PPP6R1: variants seen among roughly 807,000 people sequenced by gnomAD.
PPP6R1 encodes serine/threonine-protein phosphatase 6 regulatory subunit 1.
Under a neutral mutation model 104.6 loss-of-function variants are expected in PPP6R1, and 39 were observed. That is an observed-to-expected ratio of 0.37 (90% confidence interval 0.29 to 0.49). The LOEUF (loss-of-function observed/expected upper bound fraction) is 0.49. PPP6R1 is among the 20% of genes least tolerant of loss of function. The pLI, the probability that PPP6R1 is intolerant of heterozygous loss-of-function variation, is 0.98. For synonymous variants in PPP6R1, 549 were observed against 479.0 expected, an observed-to-expected ratio of 1.15 and a Z score of -1.91; for missense variants, 1,181 against 1,155.8, an observed-to-expected ratio of 1.02 and a Z score of -0.32.
chr19:55,251,022 A>C (rs923884337), intron 1 of PPP6R1, among the ~76,000 whole-genome samples: 1 of 152,170 alleles, frequency 6.6e-6, no homozygotes, highest in African/African-American at 2.4e-5. Flanking sequence ...GGTCTACCCC[A>C]GCGACTTTGT....
At chr19:55,234,459 C>G (rs369380258) in intron 17 of PPP6R1, among the ~76,000 whole-genome samples, 1 of 152,126 alleles carries the variant, frequency 6.6e-6, no homozygotes, top group South Asian at 2.1e-4. Flanking sequence ...AACTGGTTAT[C>G]TATATGTAAA....
rs1033204232 is a variant in PPP6R1, at chr19:55,231,049, C to A, written c.2460-165G>T. On this transcript the variant is annotated intron_variant, in intron 21 of 23. Transcript: ENST00000412770. ...CAGCTGGCTCAGCGTGGAGGGACAG[C>A]ACAGCCCTGGACAGGAAGACAAGCA... 7.5e-6 allele frequency: 5 copies of A among 662,648 alleles called. No individual in the cohort carries two copies. In the African/African-American group the frequency reaches 9.0e-5, roughly 12 times the overall value. The allele number at this position is 662,648 out of a possible 1,614,324, so 41.0% of individuals were successfully genotyped here. A position where few individuals can be genotyped will look rare whatever the true frequency, so the allele number is the denominator to read the frequency against.
At chr19:55,247,334 G>A (rs888168213) in intron 1 of PPP6R1, 3 of 564,306 alleles carry the variant, frequency 5.3e-6, no homozygotes, top group Non-Finnish European at 9.5e-6. Context: ...TCCTGCAGTT[G>A]CCCTCGAGCC....
At position 55,251,331 on chromosome 19, in the gene PPP6R1, G is replaced by A. The variant is rs577617327; in HGVS notation, c.-6-4222C>T. On this transcript the variant is annotated intron_variant, in intron 1 of 23. Transcript: ENST00000412770. Reference sequence around the variant, plus strand: ...ATGGAACCTGGCCCTGGCAATAAACGCTCACAAGTATTAGCTGAAAAGCAA... The same window carrying A: ...ATGGAACCTGGCCCTGGCAATAAACACTCACAAGTATTAGCTGAAAAGCAA... 8.5e-5 allele frequency among the ~76,000 whole-genome samples: 13 copies of A among 152,264 alleles called. No homozygotes were observed. In the East Asian group the frequency reaches 1.7e-3, roughly 20 times the overall value.
intron 1 of PPP6R1, among the ~76,000 whole-genome samples, chr19:55,256,509 C>G (rs1189110108): frequency 6.6e-6 from 1 of 152,224 alleles, no homozygotes; most frequent in Non-Finnish European, 1.5e-5. Context: ...ATTCCCAAAT[C>G]AAATAATAAT....
intron 17 of PPP6R1, among the ~76,000 whole-genome samples, chr19:55,233,611 T>TC (rs1318440338): frequency 3.3e-5 from 5 of 152,154 alleles, no homozygotes; most frequent in Admixed American, 6.5e-5. Context: ...GGATGAAAGA[T>TC]CAACATACAA....
At chr19:55,246,545 G>A (rs78701529) in intron 2 of PPP6R1, among the ~76,000 whole-genome samples, 4,468 of 152,222 alleles carry the variant, frequency 0.029, 179 homozygotes, top group African/African-American at 0.087. Flanking sequence ...AATAAAAGGC[G>A]GCGAATAAAG....
intron 21 of PPP6R1, among the ~76,000 whole-genome samples, chr19:55,231,120 G>A (rs974045811): frequency 9.2e-5 from 14 of 152,108 alleles, no homozygotes; most frequent in South Asian, 2.1e-4. Context: ...ACTCGAGGCC[G>A]GCTGAGACAG....
At chr19:55,252,430 G>A (rs1329947673) in intron 1 of PPP6R1, among the ~76,000 whole-genome samples, 2 of 113,442 alleles carry the variant, frequency 1.8e-5, no homozygotes, top group Admixed American at 9.3e-5. Context: ...ACAGAGTTTC[G>A]CTCTGTCACC....
intron 10 of PPP6R1, among the ~76,000 whole-genome samples, chr19:55,240,714 C>T (rs2087447902): frequency 6.6e-6 from 1 of 152,196 alleles, no homozygotes; most frequent in Admixed American, 6.5e-5. Flanking sequence ...CAGGTCTGCT[C>T]CCGCCCACCC....
rs758263680 is a variant in PPP6R1, at chr19:55,241,213, C to G, written c.1161+26G>C. 2.7e-6 allele frequency: 3 copies of G among 1,106,464 alleles called. No individual in the cohort carries two copies. The African/African-American group carries it at 5.2e-5, about 19-fold the overall frequency. The allele number at this position is 1,106,464 out of a possible 1,614,324, so 68.5% of individuals were successfully genotyped here. A position where few individuals can be genotyped will look rare whatever the true frequency, so the allele number is the denominator to read the frequency against. ...TCCAGTCCCCGCCCCAGCCCCTGAA[C>G]CCCCAGCCCGGTCCAGTCCCCGCAC... On this transcript the variant is annotated intron_variant, in intron 9 of 23. Transcript: ENST00000412770. This position sits in a 1 kb window ranked among gnomAD's most constrained non-coding sequence, Gnocchi z 5.4.
chr19:55,242,831 C>T (rs1483349626), intron 5 of PPP6R1, among the ~76,000 whole-genome samples: 1 of 152,106 alleles, frequency 6.6e-6, no homozygotes, highest in Non-Finnish European at 1.5e-5. Context: ...TGCTAATCAG[C>T]CAGGAAAAGG....
At chr19:55,257,725 G>A (rs2087604375) in intron 1 of PPP6R1, among the ~76,000 whole-genome samples, 2 of 152,230 alleles carry the variant, frequency 1.3e-5, no homozygotes, top group East Asian at 3.8e-4. Flanking sequence ...ACGACACGCA[G>A]GAATTGTGAC....
In PPP6R1 at chr19:55,239,969, T is replaced by A. The variant is rs748290466; in HGVS notation, c.1477+30A>T. 4.3e-6 allele frequency: 7 copies of A among 1,611,098 alleles called. No individual in the cohort carries two copies. In the South Asian group the frequency reaches 7.7e-5, roughly 18 times the overall value. On this transcript the variant is annotated intron_variant, in intron 12 of 23. Transcript: ENST00000412770. ...ATCTCGGGGCTTCAAGCCCCCCACC[T>A]AGCCCTCAGGCCGGCCTGGGGACCC... is the stretch of plus-strand genomic sequence containing the variant.
At position 55,245,121 on chromosome 19, in the gene PPP6R1, T is replaced by G; in HGVS notation, c.617A>C (p.Asn206Thr). 6.2e-7 allele frequency: 1 copy of G among 1,613,328 alleles called. No individual in the cohort carries two copies. The highest frequency in any genetic ancestry group is 8.5e-7 in the Non-Finnish European group (1 of 1,179,704). The change falls in exon 5 of 24, where the codon AAT (asparagine) becomes ACT (threonine). Residue 206 changes from asparagine to threonine, a missense_variant and splice_region_variant. By Grantham distance (65) the Asn-to-Thr change is moderately conservative. Coordinates refer to ENST00000412770, the MANE Select transcript of PPP6R1 (RefSeq NM_014931.4). The surrounding 1 kb of genome is among the most constrained non-coding windows in gnomAD (Gnocchi z 6.4). Reference sequence around the variant, plus strand: ...CGCAGGGGCATCGGCAGCACTCACATTCTCATCCTTCGACGGGTGGATCTG... The same window carrying G: ...CGCAGGGGCATCGGCAGCACTCACAGTCTCATCCTTCGACGGGTGGATCTG... Reference protein sequence around the residue: ...IEQIHPSKDENQHSNASQSLC... With the variant: ...IEQIHPSKDETQHSNASQSLC...
Position 55,241,358 on chromosome 19 carries a change from C to A in PPP6R1, c.1042G>T (p.Ala348Ser), listed in dbSNP as rs1316946656. 8.7e-6 allele frequency: 14 copies of A among 1,611,176 alleles called. No individual in the cohort carries two copies. The highest frequency in any genetic ancestry group is 1.2e-5 in the Non-Finnish European group (14 of 1,179,452). The change falls in exon 9 of 24, where the codon GCT (alanine) becomes TCT (serine). Residue 348 changes from alanine (A) to serine (S), a missense_variant. Physicochemically the swap from Ala to Ser is moderately conservative, Grantham distance 99 (BLOSUM62 1). Coordinates refer to ENST00000412770, the MANE Select transcript of PPP6R1 (RefSeq NM_014931.4). This position sits in a 1 kb window ranked among gnomAD's most constrained non-coding sequence, Gnocchi z 5.4. ...EPLQMTWGML[A>S]PPLGNTRLHV... is the part of the protein sequence containing the mutation. ...AGCCGCGTGTTGCCCAGAGGCGGAG[C>A]CAGCATGCCCCATGTCATCTGTAGC...
intron 15 of PPP6R1, 97 bp from the exon 16 acceptor site, chr19:55,237,067 C>A (rs2087406721): frequency 2.3e-6 from 3 of 1,306,742 alleles, no homozygotes; most frequent in South Asian, 1.3e-5. Context: ...ACAGAGCTGA[C>A]CCTCATTACT....
chr19:55,246,206 A>G (rs867518822), intron 2 of PPP6R1, among the ~76,000 whole-genome samples: 19 of 152,142 alleles, frequency 1.2e-4, no homozygotes, highest in East Asian at 1.9e-4. Context: ...TGAGGCAGGC[A>G]TATCACTTGA....
rs759559770 is a variant in PPP6R1, at chr19:55,239,638, G to A, written c.1609C>T (p.Arg537Trp). 4.3e-6 allele frequency: 7 copies of A among 1,612,016 alleles called. No individual in the cohort carries two copies. The highest frequency in any genetic ancestry group is 1.3e-5 in the African/African-American group (1 of 74,902). The part of the protein sequence containing the change: ...LHSSSDDEDD[R>W]LKEFNFPEEA... ...TCAGGGAAGTTGAACTCCTTGAGCCGGTCGTCCTCATCGTCACTGGAGGAG... is the reference window on the plus strand; with the variant it reads ...TCAGGGAAGTTGAACTCCTTGAGCCAGTCGTCCTCATCGTCACTGGAGGAG... The change falls in exon 14 of 24, where the codon CGG (arginine) becomes TGG (tryptophan). Residue 537 changes from arginine (R) to tryptophan (W), a missense_variant. Around this residue, in one of 2 missense-constraint regions of PPP6R1, gnomAD observed 1,042 missense variants for 955.6 expected, o/e 1.09. Coordinates refer to ENST00000412770, the MANE Select transcript of PPP6R1 (RefSeq NM_014931.4).
Sources: allele counts gnomAD v4.1 joint callset (sites outside exome capture counted in the v4.1 genomes callset), GRCh38; gene constraint gnomAD v4.1.1; regional missense constraint gnomAD v4.1.1; non-coding constraint Gnocchi (gnomAD v3.1); transcripts MANE v1.5; gene names NCBI Gene and HGNC (gene_info 2026-07-23, HGNC 2026-07-21).